SP140: variants seen among roughly 807,000 people sequenced by gnomAD.
SP140 encodes nuclear body protein SP140.
Under a neutral mutation model 125.0 loss-of-function variants are expected in SP140, and 81 were observed. The ratio of observed to expected loss-of-function variants is 0.65; its 90% CI spans 0.54 to 0.78. The LOEUF (loss-of-function observed/expected upper bound fraction) is 0.78. SP140 is among the 30% of genes least tolerant of loss of function. The pLI is 0.00. For synonymous variants in SP140, 312 were observed against 354.0 expected (o/e 0.88, Z 1.33); for missense variants, 858 against 1,037.0 (o/e 0.83, Z 2.37).
At chr2:230,239,834 A>G (rs1397621826) in intron 3 of SP140, among the ~76,000 whole-genome samples, 1 of 152,192 alleles carries the variant, frequency 6.6e-6, no homozygotes, top group Non-Finnish European at 1.5e-5. Flanking sequence ...CCTAGGCACA[A>G]ATTTTGAGTC....
intron 8 of SP140, among the ~76,000 whole-genome samples, chr2:230,248,416 G>A (rs1574996176): frequency 1.3e-5 from 2 of 152,228 alleles, no homozygotes; most frequent in East Asian, 3.9e-4. Context: ...GAAGTCCAAG[G>A]AGTTCTGCAG....
chr2:230,203,461 C>G (rs2043398571), intron 1 of SP140: 1 of 152,436 alleles, frequency 6.6e-6, no homozygotes, highest in Admixed American at 6.5e-5. Context: ...AGGCCACTTC[C>G]GGAGGAAAAG....
At chr2:230,236,249 C>T (rs1292691451) in intron 1 of SP140, among the ~76,000 whole-genome samples, 1 of 152,182 alleles carries the variant, frequency 6.6e-6, no homozygotes, top group Non-Finnish European at 1.5e-5. Context: ...ATGCCACCCT[C>T]CTTTTGCAGT....
chr2:230,238,767 T>A, intron 3 of SP140: 1 of 1,550,482 alleles, frequency 6.4e-7, no homozygotes, highest in African/African-American at 1.4e-5. Context: ...TTAGAAAATT[T>A]ATCATCCAGT....
At chr2:230,257,480 A>G (rs2051425534) in intron 12 of SP140, among the ~76,000 whole-genome samples, 1 of 152,226 alleles carries the variant, frequency 6.6e-6, no homozygotes. Context: ...AGGGGCTATC[A>G]CTTAGGCTGG....
At chr2:230,241,593 C>A (rs1282260206) in intron 4 of SP140, 106 bp downstream of exon 4, 2 of 695,092 alleles carry the variant, frequency 2.9e-6, no homozygotes, top group Non-Finnish European at 5.2e-6. Flanking sequence ...CTGTTATCTC[C>A]CAGTCCTCCT....
chr2:230,269,080 A>C (rs572725725), intron 12 of SP140, among the ~76,000 whole-genome samples: 1 of 152,216 alleles, frequency 6.6e-6, no homozygotes, highest in South Asian at 2.1e-4. Context: ...TTTATGAGTA[A>C]TTTAGCATTT....
intron 10 of SP140, among the ~76,000 whole-genome samples, chr2:230,252,810 G>A (rs73998785): frequency 0.48 from 73,154 of 150,960 alleles, 18,118 homozygotes; most frequent in African/African-American, 0.58. Context: ...GGTTGTGCAA[G>A]GCCAGCTGGG....
chr2:230,275,214 G>A (rs2054537330), intron 15 of SP140, among the ~76,000 whole-genome samples: 1 of 151,970 alleles, frequency 6.6e-6, no homozygotes. Flanking sequence ...TTTCTTTGTG[G>A]TATAGGCACA....
intron 3 of SP140, chr2:230,215,178 A>G: frequency 7.3e-7 from 1 of 1,366,388 alleles, no homozygotes; most frequent in Non-Finnish European, 1.0e-6. Context: ...GAAGTTATAC[A>G]TTTATGGTTT....
At chr2:230,212,455 C>T (rs1317682712) in intron 1 of SP140, 2 of 1,531,570 alleles carry the variant, frequency 1.3e-6, no homozygotes, top group South Asian at 2.2e-5. Context: ...GAAATTATTA[C>T]AGATTGCAGG....
chr2:230,312,502 A>G lies in SP140; in HGVS notation c.2506-84A>G, dbSNP rs949294933. 9.1e-6 allele frequency: 8 copies of G among 883,524 alleles called. No homozygotes were observed. The African/African-American group carries it at 1.2e-4, about 13-fold the overall frequency. The allele number at this position is 883,524 out of a possible 1,614,324, so 54.7% of individuals were successfully genotyped here. A position where few individuals can be genotyped will look rare whatever the true frequency, so the allele number is the denominator to read the frequency against. On this transcript the variant is annotated intron_variant, in intron 26 of 26. Transcript: ENST00000392045. ...TTACAGTACTTTTTTTTTTAAAGAC[A>G]AGAGTCCTGATCATTCTCAGTTGAA...
At chr2:230,229,594 A>T (rs1388174452) in intron 1 of SP140, among the ~76,000 whole-genome samples, 1 of 147,658 alleles carries the variant, frequency 6.8e-6, no homozygotes, top group African/African-American at 2.5e-5. Flanking sequence ...CAGCCTCCTG[A>T]GTAGCTGGGA....
intron 22 of SP140, among the ~76,000 whole-genome samples, chr2:230,301,068 C>T (rs2058240936): frequency 6.6e-6 from 1 of 152,114 alleles, no homozygotes; most frequent in South Asian, 2.1e-4. Flanking sequence ...AACTCGAAGA[C>T]AAGGCTCTGG....
chr2:230,254,923 T>A (rs2050910584), intron 11 of SP140, among the ~76,000 whole-genome samples: 1 of 152,192 alleles, frequency 6.6e-6, no homozygotes, highest in South Asian at 2.1e-4. Context: ...GTACTATGTG[T>A]TGTTGCCTTG....
chr2:230,262,843 T>G (rs1051005685), intron 12 of SP140, among the ~76,000 whole-genome samples: 2 of 152,204 alleles, frequency 1.3e-5, no homozygotes, highest in Non-Finnish European at 2.9e-5. Context: ...ATTCCAATTT[T>G]CTTAAATTTA....
intron 22 of SP140, among the ~76,000 whole-genome samples, chr2:230,302,029 G>C (rs1431042421): frequency 1.3e-5 from 2 of 152,180 alleles, no homozygotes; most frequent in East Asian, 3.9e-4. Context: ...AGTTAAAAAA[G>C]ACAAAGAGCG....
chr2:230,186,305 T>A, the SP140 span, among the ~76,000 whole-genome samples: 4 of 152,128 alleles, frequency 2.6e-5, no homozygotes, highest in African/African-American at 9.7e-5. Context: ...TTTCTCTTTT[T>A]CAAGTCCTCA....
chr2:230,281,212 A>G (rs1480581626), intron 15 of SP140, among the ~76,000 whole-genome samples: 1 of 152,228 alleles, frequency 6.6e-6, no homozygotes, highest in African/African-American at 2.4e-5. Context: ...AAACATCAAT[A>G]TACTTTCACA....
Sources: allele counts gnomAD v4.1 joint callset (sites outside exome capture counted in the v4.1 genomes callset), GRCh38; gene constraint gnomAD v4.1.1; transcripts MANE v1.5; gene names NCBI Gene and HGNC (gene_info 2026-07-23, HGNC 2026-07-21).